The following PER2 variants were observed in gnomAD, a reference collection of about 807,000 sequenced individuals.
PER2 encodes the protein period circadian regulator 2, also known as period circadian protein homolog 2.
Under a neutral mutation model 121.0 loss-of-function variants are expected in PER2, and 66 were observed. The observed-to-expected ratio is 0.55, with a 90% confidence interval of 0.45 to 0.67. The LOEUF (loss-of-function observed/expected upper bound fraction) is 0.67, where lower values mean the gene tolerates loss of function less well. Ranked by LOEUF, PER2 falls within the 30% of genes least tolerant of loss-of-function variation. The pLI is 0.00. For synonymous variants in PER2, 684 were observed against 659.9 expected (o/e 1.04, Z -0.56); for missense variants, 1,521 against 1,635.0 (o/e 0.93, Z 1.20).
Position 238,275,953 on chromosome 2 carries a change from G to A in PER2, c.294-56C>T, listed in dbSNP as rs1696441884. On this transcript the variant is annotated intron_variant, in intron 3 of 22. Transcript: ENST00000254657. The stretch of plus-strand genomic sequence containing the variant: ...GTTAGCTTCCTAGGTGTCCTTTCCT[G>A]AAGAAACGTGCCTCTTGCCCATTTT... The A allele has an allele frequency of 1.9e-6, 3 of 1,583,744 alleles. No homozygotes were observed. In the South Asian group the frequency reaches 3.3e-5, roughly 18 times the overall value.
At chr2:238,261,638 G>A in intron 12 of PER2, 91 bp downstream of exon 12, 9 of 792,548 alleles carry the variant, frequency 1.1e-5, no homozygotes. Flanking sequence ...GTCTGAGTGG[G>A]TGTGCCAGGA....
chr2:238,300,010 G>C, the PER2 span: 3 of 152,250 alleles, frequency 2.0e-5, no homozygotes, highest in Non-Finnish European at 4.4e-5. Flanking sequence ...CTGGTTCTTC[G>C]CAGTGTGGTG....
upstream of PER2, among the ~76,000 whole-genome samples, chr2:238,288,918 C>T (rs1696880794): frequency 6.6e-6 from 1 of 152,180 alleles, no homozygotes; most frequent in South Asian, 2.1e-4. Flanking sequence ...GGTGGCCGCG[C>T]CCGTCGCTCT....
In PER2 at chr2:238,271,303, T is replaced by G. The variant is rs1312964425; in HGVS notation, c.772+9A>C. The G allele has an allele frequency of 1.2e-6, 2 of 1,611,762 alleles. No homozygotes were observed. Among genetic ancestry groups the G allele is most frequent in the Non-Finnish European group, 1.7e-6 (2 of 1,178,598 alleles). On this transcript the variant is annotated intron_variant, in intron 6 of 22. Transcript: ENST00000254657. ...CAGAGGGAACAAGGCACTACCTCGATAACCTCACCTGCTCCACTGCACATG... is the reference window on the plus strand; with the variant it reads ...CAGAGGGAACAAGGCACTACCTCGAGAACCTCACCTGCTCCACTGCACATG...
At position 238,252,953 on chromosome 2, in the gene PER2, G is replaced by C. The variant is rs769391178; in HGVS notation, c.3070C>G (p.Pro1024Ala). 1.9e-6 allele frequency: 3 copies of C among 1,613,932 alleles called. No individual in the cohort carries two copies. The highest frequency in any genetic ancestry group is 1.1e-5 in the South Asian group (1 of 91,060). The change falls in exon 19 of 23, where the codon CCT becomes GCT. Residue 1024 changes from proline (P) to alanine (A), a missense_variant. Transcript: ENST00000254657. This position sits in a 1 kb window ranked among gnomAD's most constrained non-coding sequence, Gnocchi z 4.2. ...ETAAVGADCK[P>A]GTSRDQQPKA... The stretch of plus-strand genomic sequence containing the variant: ...GGCTGCTGGTCCCGAGAAGTGCCAG[G>C]TTTGCAGTCCGCCCCTACAGCTGCT...
rs1347627947 is a variant in PER2 at position 238,268,012 on chromosome 2, G to T, written c.967+44C>A. 6.2e-7 allele frequency: 1 copy of T among 1,607,600 alleles called. No homozygotes were observed. Among genetic ancestry groups the T allele is most frequent in the Non-Finnish European group, 8.5e-7 (1 of 1,176,546 alleles). On this transcript the variant is annotated intron_variant, in intron 8 of 22. Coordinates refer to ENST00000254657, the MANE Select transcript of PER2 (RefSeq NM_022817.3). The surrounding 1 kb of genome is among the most constrained non-coding windows in gnomAD (Gnocchi z 4.0). ...GTGAACCACAGGAGTAACTGAGGGG[G>T]AGCCAGAGACAACATCTGCCCTCGC...
intron 1 of PER2, among the ~76,000 whole-genome samples, chr2:238,281,071 T>G (rs1443621804): frequency 2.0e-5 from 3 of 151,416 alleles, no homozygotes; most frequent in African/African-American, 7.3e-5. Context: ...TGGCGCAATC[T>G]CGGCTCATGG....
At chr2:238,275,455 G>A (rs551088541) in intron 4 of PER2, among the ~76,000 whole-genome samples, 2 of 152,342 alleles carry the variant, frequency 1.3e-5, no homozygotes, top group South Asian at 4.1e-4. Flanking sequence ...TTGGGAGGCT[G>A]AAGTGGGAGG....
At chr2:238,294,836 C>T (rs184350089), upstream of PER2, among the ~76,000 whole-genome samples, 2 of 152,338 alleles carry the variant, frequency 1.3e-5, no homozygotes, top group Admixed American at 1.3e-4. Context: ...TCTCGTTCTC[C>T]AAACATTCTC....
At chr2:238,285,962 C>T (rs1451103126) in intron 1 of PER2, among the ~76,000 whole-genome samples, 4 of 152,090 alleles carry the variant, frequency 2.6e-5, no homozygotes, top group African/African-American at 4.8e-5. Flanking sequence ...AATAAACAGC[C>T]GCACTCTCCA....
chr2:238,276,432 C>T (rs749628129), intron 3 of PER2, among the ~76,000 whole-genome samples: 5 of 152,232 alleles, frequency 3.3e-5, no homozygotes, highest in Non-Finnish European at 7.3e-5. Context: ...CTAGGCTTTG[C>T]TCAGGAAAGG....
chr2:238,262,082 G>T, intron 11 of PER2, 109 bp downstream of exon 11: 4 of 1,121,738 alleles, frequency 3.6e-6, no homozygotes, highest in Middle Eastern at 2.9e-4. Context: ...GCAAGGTTTC[G>T]GTCTTGGCCT....
chr2:238,287,579 G>A (rs113658276), intron 1 of PER2, among the ~76,000 whole-genome samples: 50 of 152,368 alleles, frequency 3.3e-4, no homozygotes, highest in African/African-American at 1.2e-3. Flanking sequence ...GATTCAGCAC[G>A]CAAGTGGAGG....
Position 238,258,490 on chromosome 2 carries a change from G to T in PER2, c.1775+7C>A. On this transcript the variant is annotated splice_region_variant and intron_variant, in intron 15 of 22. Coordinates refer to ENST00000254657, the MANE Select transcript of PER2 (RefSeq NM_022817.3). The stretch of plus-strand genomic sequence containing the variant: ...TGGTGGAGACTCGGCTGGAAATGCC[G>T]GCATACCTGATGACGCTGTCCAAGC... 11 of 1,614,054 alleles carry T rather than the reference G, an allele frequency of 6.8e-6. No individual in the cohort carries two copies. The highest frequency in any genetic ancestry group is 9.3e-6 in the Non-Finnish European group (11 of 1,179,986).
At position 238,246,516 on chromosome 2, in the gene PER2, AAC is replaced by A. The variant is rs762999878; in HGVS notation, c.3625_3626del (p.Val1209LeufsTer3). ...LPAAIDVAECVYCENKEKGNI... is the reference protein window; with the variant it reads ...LPAAIDVAECXYCENKEKGNI... Reference sequence around the variant, plus strand: ...TACCTTTTTCCTTGTTTTCACAGTAAACACATTCCTTAAAAGAAAAAAAAAGA... The same window carrying A: ...TACCTTTTTCCTTGTTTTCACAGTAAACATTCCTTAAAAGAAAAAAAAAGA... On this transcript the variant is annotated frameshift_variant, in exon 23 of 23. Transcript: ENST00000254657. LOFTEE classifies it low-confidence loss of function (END_TRUNC). 28 of 1,562,138 alleles carry A rather than the reference AAC, an allele frequency of 1.8e-5. No homozygotes were observed. Among genetic ancestry groups the A allele is most frequent in the Non-Finnish European group, 2.3e-5 (26 of 1,133,088 alleles).
At chr2:238,249,313 C>A in intron 21 of PER2, 101 bp from the exon 22 acceptor site, 2 of 1,268,126 alleles carry the variant, frequency 1.6e-6, no homozygotes, top group Admixed American at 2.2e-5. Flanking sequence ...TTGTTTAATG[C>A]AAATTTCCTT....
intron 1 of PER2, among the ~76,000 whole-genome samples, chr2:238,288,019 C>G (rs939200022): frequency 2.6e-5 from 4 of 152,168 alleles, no homozygotes; most frequent in Admixed American, 6.5e-5. Context: ...AGGGTCTCCC[C>G]GCCCTCAGGT....
chr2:238,272,139 C>T (rs1436718199), intron 5 of PER2, among the ~76,000 whole-genome samples: 1 of 152,236 alleles, frequency 6.6e-6, no homozygotes, highest in Admixed American at 6.5e-5. Flanking sequence ...AACTCTTACA[C>T]CTGTTACAGA....
Position 238,255,857 on chromosome 2 carries a change from G to A in PER2, c.2120C>T (p.Pro707Leu), listed in dbSNP as rs1268515433. 20 of 1,614,100 alleles carry A rather than the reference G, an allele frequency of 1.2e-5. No homozygotes were observed. The highest frequency in any genetic ancestry group is 1.7e-5 in the Non-Finnish European group (20 of 1,180,046). ...TTGGCTGAGACCACAGGCCAGGGCA[G>A]GGCCCGCCAGGCAGTCCAGGGATTC... ...GPESLDCLAG[P>L]ALACGLSQEK... Residue 707 changes from proline (P) to leucine (L), a missense_variant, in exon 18 of 23, where the codon CCT becomes CTT. Transcript: ENST00000254657.
Sources: allele counts gnomAD v4.1 joint callset (sites outside exome capture counted in the v4.1 genomes callset), GRCh38; gene constraint gnomAD v4.1.1; non-coding constraint Gnocchi (gnomAD v3.1); transcripts MANE v1.5; gene names NCBI Gene and HGNC (gene_info 2026-07-23, HGNC 2026-07-21).